Variants in WDFY1 observed in about 807,000 individuals in gnomAD.
WDFY1 encodes WD repeat and FYVE domain containing 1, also known as WD repeat and FYVE domain-containing protein 1.
A neutral mutation model predicts 56.4 loss-of-function variants in WDFY1; 32 were observed. The observed-to-expected ratio is 0.57, with a 90% confidence interval of 0.43 to 0.76. The LOEUF is 0.76. Among genes scored for constraint, WDFY1 ranks in the 30% least tolerant of loss-of-function variants. The pLI is 0.00. For synonymous variants in WDFY1, 192 were observed against 197.3 expected, an observed-to-expected ratio of 0.97 and a Z score of 0.23; for missense variants, 480 against 545.7, an observed-to-expected ratio of 0.88 and a Z score of 1.20.
intron 8 of WDFY1, among the ~76,000 whole-genome samples, chr2:223,888,089 C>CT (rs5839027): frequency 2.0e-5 from 3 of 151,440 alleles, no homozygotes; most frequent in East Asian, 1.9e-4. Context: ...TAAATTTACA[C>CT]TTTTTTTTTT....
intron 8 of WDFY1, among the ~76,000 whole-genome samples, chr2:223,891,368 G>T (rs1288669182): frequency 2.5e-4 from 1 of 4,036 alleles, no homozygotes; most frequent in African/African-American, 7.3e-4. Flanking sequence ...GAGTGACAGA[G>T]CTAGACTCCG....
intron 2 of WDFY1, among the ~76,000 whole-genome samples, chr2:223,913,938 G>C (rs555896684): frequency 1.7e-4 from 26 of 149,730 alleles, no homozygotes; most frequent in Admixed American, 1.1e-3. Flanking sequence ...ATTTAATGTA[G>C]AAGGGGAGGG....
chr2:223,943,706 T>C (rs1559178836), intron 1 of WDFY1, among the ~76,000 whole-genome samples: 1 of 152,234 alleles, frequency 6.6e-6, no homozygotes, highest in Non-Finnish European at 1.5e-5. Flanking sequence ...ATTGTAAACC[T>C]TTAGGATTTG....
chr2:223,880,279 G>C, intron 10 of WDFY1, 47 bp from the exon 11 acceptor site: 1 of 1,559,774 alleles, frequency 6.4e-7, no homozygotes, highest in Non-Finnish European at 8.8e-7. Flanking sequence ...ACTGTACCTA[G>C]AGCTAGTGGG....
chr2:223,924,058 C>G (rs1015559676), intron 1 of WDFY1, among the ~76,000 whole-genome samples: 2 of 152,200 alleles, frequency 1.3e-5, no homozygotes, highest in Non-Finnish European at 2.9e-5. Context: ...AAACCACAAC[C>G]TTAGAAACGT....
At position 223,881,922 on chromosome 2, in the gene WDFY1, A is replaced by G. The variant is rs760472016; in HGVS notation, c.1064+20T>C. 1.2e-6 allele frequency: 2 copies of G among 1,612,278 alleles called. No individual in the cohort carries two copies. The highest frequency in any genetic ancestry group is 2.2e-5 in the East Asian group (1 of 44,798). On this transcript the variant is annotated intron_variant, in intron 10 of 11. Coordinates refer to ENST00000233055, the MANE Select transcript of WDFY1 (RefSeq NM_020830.5). ...CAGATGTAATAAGAGGCAATGAGAC[A>G]AAAATATGCAAACACTCACTCTTCA... is the stretch of plus-strand genomic sequence containing the variant.
rs556557590 is a variant in WDFY1 at position 223,920,691 on chromosome 2, G to A, written c.138-2681C>T. ...GTCTCACCAGGCATGGCTGGTGCAC[G>A]ATCCTGAGGAGAAAATGGAGCTCAA... On this transcript the variant is annotated intron_variant, in intron 1 of 11. Coordinates refer to ENST00000233055, the MANE Select transcript of WDFY1 (RefSeq NM_020830.5). Among the ~76,000 whole-genome samples the A allele has an allele frequency of 2.6e-4, 40 of 152,338 alleles. No individual in the cohort carries two copies. In the South Asian group the frequency reaches 7.7e-3, roughly 29 times the overall value.
Position 223,928,049 on chromosome 2 carries a change from T to C in WDFY1, c.138-10039A>G, listed in dbSNP as rs181030664. Among the ~76,000 whole-genome samples the C allele has an allele frequency of 7.3e-3, 1,115 of 152,328 alleles. 48 individuals are homozygous for C. The highest frequency in any genetic ancestry group is 0.067 in the Admixed American group (1,032 of 15,296). On this transcript the variant is annotated intron_variant, in intron 1 of 11. Transcript: ENST00000233055. ...ACTATCATTTAAGTTTGCCATCTTA[T>C]GTGGGCACAGTTTGTGGCTCCCCAA...
rs999704122 is a variant in WDFY1, at chr2:223,886,064, C to A, written c.832-1315G>T. ...TTTGTTAAAAAACTTAGAAAATAGG[C>A]CAGGTGTGGTGGCTCACGCCTGTCA... On this transcript the variant is annotated intron_variant, in intron 8 of 11. Coordinates refer to ENST00000233055, the MANE Select transcript of WDFY1 (RefSeq NM_020830.5). 2.0e-5 allele frequency among the ~76,000 whole-genome samples: 3 copies of A among 152,254 alleles called. No homozygotes were observed. The South Asian group carries it at 6.2e-4, about 32-fold the overall frequency.
chr2:223,914,545 G>GT (rs1194971250), intron 2 of WDFY1, among the ~76,000 whole-genome samples: 2 of 152,184 alleles, frequency 1.3e-5, no homozygotes, highest in African/African-American at 4.8e-5. Flanking sequence ...GCAGAATTGA[G>GT]TAAGTGCCAC....
chr2:223,933,184 T>C (rs1694109696), intron 1 of WDFY1, among the ~76,000 whole-genome samples: 1 of 152,066 alleles, frequency 6.6e-6, no homozygotes, highest in South Asian at 2.1e-4. Flanking sequence ...TTCCATCCCC[T>C]CCCACAGGAC....
At chr2:223,884,000 C>G (rs1469300583) in intron 9 of WDFY1, among the ~76,000 whole-genome samples, 1 of 151,372 alleles carries the variant, frequency 6.6e-6, no homozygotes, top group Admixed American at 6.6e-5. Flanking sequence ...AGAGATGCAA[C>G]CAATAATAAA....
At chr2:223,944,528 G>A (rs374578513) in intron 1 of WDFY1, among the ~76,000 whole-genome samples, 26 of 151,454 alleles carry the variant, frequency 1.7e-4, no homozygotes, top group African/African-American at 6.1e-4. Context: ...GGAGGGGCGC[G>A]GTGAGACAGA....
chr2:223,928,969 G>A (rs1259913739), intron 1 of WDFY1, among the ~76,000 whole-genome samples: 1 of 152,146 alleles, frequency 6.6e-6, no homozygotes, highest in Non-Finnish European at 1.5e-5. Flanking sequence ...AGGTGCCTGG[G>A]TAGCCAGGGG....
intron 9 of WDFY1, among the ~76,000 whole-genome samples, chr2:223,884,170 T>C (rs755601309): frequency 1.4e-4 from 21 of 152,240 alleles, no homozygotes; most frequent in Admixed American, 2.6e-4. Flanking sequence ...CAAAACATGC[T>C]TAATAAAAAT....
At chr2:223,941,898 A>G (rs1689310733) in intron 1 of WDFY1, among the ~76,000 whole-genome samples, 1 of 152,170 alleles carries the variant, frequency 6.6e-6, no homozygotes, top group Admixed American at 6.5e-5. Flanking sequence ...ATGTGCTTTC[A>G]TTACATCTCA....
chr2:223,945,095 C>A lies in WDFY1; in HGVS notation c.137+53G>T, dbSNP rs567788710. 1.0e-5 allele frequency: 16 copies of A among 1,530,958 alleles called. 1 individual carries two copies. In the Admixed American group the frequency reaches 3.1e-4, roughly 29 times the overall value. 94.8% of individuals were successfully genotyped at this position (1,530,958 alleles called of 1,614,324 possible). A position where few individuals can be genotyped will look rare whatever the true frequency, so the allele number is the denominator to read the frequency against. On this transcript the variant is annotated intron_variant, in intron 1 of 11. Transcript: ENST00000233055. Reference sequence around the variant, plus strand: ...ACCGGGGCCGCGGACCCCACCGCCCCCACACCCCGTCGTCGCGGAGTTCGG... The same window carrying A: ...ACCGGGGCCGCGGACCCCACCGCCCACACACCCCGTCGTCGCGGAGTTCGG...
intron 1 of WDFY1, 131 bp downstream of exon 1, chr2:223,945,017 C>A (rs1689385254): frequency 1.9e-6 from 2 of 1,075,014 alleles, no homozygotes; most frequent in East Asian, 3.2e-5. Context: ...AGCTAAGGGG[C>A]GCAGAGTGGG....
At chr2:223,890,670 C>G (rs1693254420) in intron 8 of WDFY1, among the ~76,000 whole-genome samples, 1 of 152,154 alleles carries the variant, frequency 6.6e-6, no homozygotes. Flanking sequence ...ACTCTCTTTT[C>G]TCCATCTTTT....
Sources: gnomAD v4.1 joint callset for allele counts (sites outside exome capture counted in the v4.1 genomes callset) on GRCh38, gnomAD v4.1.1 for gene constraint, MANE v1.5 for transcripts, NCBI Gene and HGNC (gene_info 2026-07-23, HGNC 2026-07-21) for gene names.